Variants in CLINT1 observed in about 807,000 individuals in gnomAD.
CLINT1 encodes clathrin interactor 1.
Under a neutral mutation model 70.4 loss-of-function variants are expected in CLINT1, and 15 were observed. The ratio of observed to expected loss-of-function variants is 0.21; its 90% CI spans 0.14 to 0.33. The LOEUF (loss-of-function observed/expected upper bound fraction) is 0.33, where lower values mean the gene tolerates loss of function less well. Ranked by LOEUF, CLINT1 falls within the 10% of genes least tolerant of loss-of-function variation. The pLI, the probability that CLINT1 is intolerant of heterozygous loss-of-function variation, is 1.00. For missense variants in CLINT1, 615 were observed against 778.1 expected (o/e 0.79, Z 2.49); for synonymous variants, 227 against 254.7 (o/e 0.89, Z 1.04).
Position 157,791,864 on chromosome 5 carries a change from A to G in CLINT1, c.1219T>C (p.Ser407Pro), listed in dbSNP as rs748327340. The G allele has an allele frequency of 6.2e-7, 1 of 1,613,848 alleles. No homozygotes were observed. Among genetic ancestry groups the G allele is most frequent in the Non-Finnish European group, 8.5e-7 (1 of 1,179,886 alleles). The change falls in exon 10 of 12, where the codon TCA (serine) becomes CCA (proline). Residue 407 changes from serine to proline, a missense_variant. Transcript: ENST00000411809. ...GGAGGTGGGCCTAGAGCTGATTGTG[A>G]GCCACTAACAAGTTCTACCGCTGGC... ...SQPAVELVSG[S>P]QSALGPPPAA...
At chr5:157,828,810 C>T (rs776929869) in intron 1 of CLINT1, among the ~76,000 whole-genome samples, 5 of 151,396 alleles carry the variant, frequency 3.3e-5, no homozygotes, top group African/African-American at 9.7e-5. Context: ...TAAAAAGGGC[C>T]GGGCACGGTG....
At chr5:157,822,805 G>C (rs1465621190) in intron 1 of CLINT1, among the ~76,000 whole-genome samples, 2 of 152,056 alleles carry the variant, frequency 1.3e-5, no homozygotes, top group African/African-American at 2.4e-5. Flanking sequence ...AGAATCATCA[G>C]TAAAATAATT....
intron 8 of CLINT1, among the ~76,000 whole-genome samples, chr5:157,797,373 A>G (rs1254277811): frequency 6.6e-6 from 1 of 152,088 alleles, no homozygotes; most frequent in Admixed American, 6.6e-5. Context: ...GTTAGGAGTT[A>G]GGGATTTTCT....
chr5:157,837,264 T>C (rs781255849), intron 1 of CLINT1, among the ~76,000 whole-genome samples: 1 of 152,098 alleles, frequency 6.6e-6, no homozygotes, highest in Non-Finnish European at 1.5e-5. Context: ...TACCCAGGCA[T>C]GGTGGCCCAC....
In CLINT1 at chr5:157,813,683, T is replaced by C. The variant is rs952128332; in HGVS notation, c.353-456A>G. 2.6e-5 allele frequency among the ~76,000 whole-genome samples: 4 copies of C among 152,370 alleles called. No individual in the cohort carries two copies. The East Asian group carries it at 5.8e-4, about 22-fold the overall frequency. On this transcript the variant is annotated intron_variant, in intron 4 of 11. Transcript: ENST00000411809. ...GTCTGGAACACTAATTATGAGGTTTTAGCATAGCTCAAAAACTGAATTTTT... is the reference window on the plus strand; with the variant it reads ...GTCTGGAACACTAATTATGAGGTTTCAGCATAGCTCAAAAACTGAATTTTT...
At chr5:157,844,514 C>A (rs1218478968) in intron 1 of CLINT1, among the ~76,000 whole-genome samples, 1 of 152,128 alleles carries the variant, frequency 6.6e-6, no homozygotes, top group Admixed American at 6.6e-5. Flanking sequence ...CAGTGAAGGA[C>A]CCTTACAAGG....
chr5:157,844,165 G>A (rs1401583892), intron 1 of CLINT1, among the ~76,000 whole-genome samples: 1 of 151,864 alleles, frequency 6.6e-6, no homozygotes, highest in Admixed American at 6.6e-5. Context: ...TGACTTTTCT[G>A]ACATGAAGGA....
intron 1 of CLINT1, among the ~76,000 whole-genome samples, chr5:157,851,163 C>A (rs1753560049): frequency 6.6e-6 from 1 of 151,876 alleles, no homozygotes; most frequent in African/African-American, 2.4e-5. Context: ...AACAAAAAAC[C>A]CGAAAATTGA....
Position 157,787,690 on chromosome 5 carries a change from G to T in CLINT1, c.1834C>A (p.Pro612Thr). The change falls in exon 12 of 12, where the codon CCC becomes ACC. Residue 612 changes from proline (P) to threonine (T), a missense_variant. Physicochemically the swap from Pro to Thr is conservative, Grantham distance 38. Coordinates refer to ENST00000411809, the MANE Select transcript of CLINT1 (RefSeq NM_014666.4). ...AAATTTGCAAAGGCATCTTGCTTGG[G>T]TTGCACAGTTCCAGAAGTCATGGCT... ...NIAMTSGTVQPKQDAFANFAN... is the reference protein window; with the variant it reads ...NIAMTSGTVQTKQDAFANFAN... 6.2e-7 allele frequency: 1 copy of T among 1,613,980 alleles called. No individual in the cohort carries two copies. Among genetic ancestry groups the T allele is most frequent in the Non-Finnish European group, 8.5e-7 (1 of 1,179,876 alleles).
At chr5:157,854,272 T>C (rs893621415) in intron 1 of CLINT1, among the ~76,000 whole-genome samples, 3 of 152,214 alleles carry the variant, frequency 2.0e-5, no homozygotes, top group Non-Finnish European at 4.4e-5. Flanking sequence ...GCAGGTATTG[T>C]ATGTTTCGAG....
intron 1 of CLINT1, among the ~76,000 whole-genome samples, chr5:157,833,591 TC>T: frequency 6.6e-6 from 1 of 151,884 alleles, no homozygotes; most frequent in East Asian, 1.9e-4. Context: ...CAGTTGGGAG[TC>T]TGTGTACACG....
chr5:157,840,257 A>AC (rs897941620), intron 1 of CLINT1, among the ~76,000 whole-genome samples: 4 of 151,566 alleles, frequency 2.6e-5, no homozygotes, highest in Non-Finnish European at 5.9e-5. Context: ...ATTTAAAAAA[A>AC]AAAAACAAAA....
chr5:157,840,297 C>T (rs1309046445), intron 1 of CLINT1, among the ~76,000 whole-genome samples: 2 of 145,854 alleles, frequency 1.4e-5, no homozygotes, highest in Admixed American at 6.9e-5. Flanking sequence ...AAATGCCTGT[C>T]GTGAAAGACA....
chr5:157,858,899 G>T, intron 1 of CLINT1, 31 bp downstream of exon 1: 1 of 1,478,380 alleles, frequency 6.8e-7, no homozygotes, highest in Non-Finnish European at 9.0e-7. Flanking sequence ...CCCCACGTGG[G>T]CCTCGGCCAC....
Position 157,805,918 on chromosome 5 carries a change from T to C in CLINT1, c.890A>G (p.Lys297Arg). ...TGAAGCATTCTGATCTGGACTTGCT[T>C]TGTCCCCTGTGTAATGTGCTGCTGC... ...LGAAAHYTGDKASPDQNASTH... is the reference protein window; with the variant it reads ...LGAAAHYTGDRASPDQNASTH... The change falls in exon 7 of 12, where the codon AAA becomes AGA. Residue 297 changes from lysine to arginine, a missense_variant. Around this residue, in one of 2 missense-constraint regions of CLINT1, gnomAD observed 241 missense variants for 368.6 expected, o/e 0.65. Transcript: ENST00000411809. The C allele has an allele frequency of 6.2e-7, 1 of 1,613,976 alleles. No homozygotes were observed. Among genetic ancestry groups the C allele is most frequent in the Non-Finnish European group, 8.5e-7 (1 of 1,179,870 alleles).
At position 157,805,783 on chromosome 5, in the gene CLINT1, C is replaced by A. The variant is rs1429263622; in HGVS notation, c.942+83G>T. ...TAATTAATATGATTGCCTAGAAATG[C>A]CCAAGCCTACTAATGCAGGAATTCG... On this transcript the variant is annotated intron_variant, in intron 7 of 11. Coordinates refer to ENST00000411809, the MANE Select transcript of CLINT1 (RefSeq NM_014666.4). 9 of 1,526,046 alleles carry A rather than the reference C, an allele frequency of 5.9e-6. No homozygotes were observed. In the Admixed American group the frequency reaches 1.7e-4, roughly 28 times the overall value. 94.5% of individuals were successfully genotyped at this position (1,526,046 alleles called of 1,614,324 possible). A position where few individuals can be genotyped will look rare whatever the true frequency, so the allele number is the denominator to read the frequency against.
At chr5:157,798,642 A>G (rs1251310633) in intron 8 of CLINT1, among the ~76,000 whole-genome samples, 3 of 152,168 alleles carry the variant, frequency 2.0e-5, no homozygotes, top group Non-Finnish European at 2.9e-5. Flanking sequence ...TAGAATATCA[A>G]TAAGGATGAA....
At chr5:157,802,177 G>A (rs897184518) in intron 8 of CLINT1, among the ~76,000 whole-genome samples, 1 of 151,950 alleles carries the variant, frequency 6.6e-6, no homozygotes, top group Non-Finnish European at 1.5e-5. Context: ...TTACAGGTGT[G>A]AGCCACTGTG....
chr5:157,808,521 T>C (rs1170276743), intron 6 of CLINT1, among the ~76,000 whole-genome samples: 1 of 152,100 alleles, frequency 6.6e-6, no homozygotes, highest in Non-Finnish European at 1.5e-5. Flanking sequence ...TCTACTCTAG[T>C]AGAGATATTG....
Sources: allele counts gnomAD v4.1 joint callset (sites outside exome capture counted in the v4.1 genomes callset), GRCh38; gene constraint gnomAD v4.1.1; regional missense constraint gnomAD v4.1.1; transcripts MANE v1.5; gene names NCBI Gene and HGNC (gene_info 2026-07-23, HGNC 2026-07-21).